FRMD4A: variants seen among roughly 807,000 people sequenced by gnomAD.
FRMD4A encodes FERM domain containing 4A.
In FRMD4A, 29 loss-of-function variants were observed where a neutral mutation model predicts 129.1. The observed-to-expected ratio is 0.22, with a 90% CI of 0.17 to 0.31. The LOEUF (loss-of-function observed/expected upper bound fraction) is 0.31. Ranked by LOEUF, FRMD4A falls within the 10% of genes least tolerant of loss-of-function variation. The probability of loss-of-function intolerance (pLI) is 1.00; values close to 1 mark genes in which losing one functional copy is unlikely to be tolerated. For synonymous variants in FRMD4A, 634 were observed against 571.6 expected (o/e 1.11, Z -1.56); for missense variants, 1,272 against 1,375.8 (o/e 0.92, Z 1.19).
intron 2 of FRMD4A, among the ~76,000 whole-genome samples, chr10:14,190,716 AT>A (rs1842290784): frequency 1.3e-5 from 2 of 152,184 alleles, no homozygotes; most frequent in African/African-American, 2.4e-5. Context: ...GAAAAGCTTT[AT>A]ATTGCAAGTC....
intron 2 of FRMD4A, among the ~76,000 whole-genome samples, chr10:13,991,601 T>G (rs1021741574): frequency 6.6e-6 from 1 of 152,246 alleles, no homozygotes; most frequent in Non-Finnish European, 1.5e-5. Context: ...ACCACCTTGC[T>G]CAGAGCACAA....
intron 2 of FRMD4A, chr10:13,891,660 T>G (rs894887781): frequency 2.0e-6 from 2 of 985,244 alleles, no homozygotes; most frequent in Non-Finnish European, 2.4e-6. Flanking sequence ...TCCGAGGAAC[T>G]TCTGGCTGCA....
chr10:14,042,550 A>T (rs956561099), intron 2 of FRMD4A, among the ~76,000 whole-genome samples: 1 of 152,204 alleles, frequency 6.6e-6, no homozygotes, highest in Admixed American at 6.5e-5. Context: ...TTTATGTTCA[A>T]GTGCTTTTTC....
intron 2 of FRMD4A, among the ~76,000 whole-genome samples, chr10:14,292,402 C>T (rs1013343874): frequency 1.1e-4 from 16 of 152,334 alleles, no homozygotes; most frequent in African/African-American, 3.6e-4. Context: ...ACAGACAATT[C>T]AATCAATGAT....
At chr10:14,044,735 G>C (rs1176694797) in intron 2 of FRMD4A, among the ~76,000 whole-genome samples, 1 of 152,210 alleles carries the variant, frequency 6.6e-6, no homozygotes, top group Non-Finnish European at 1.5e-5. Context: ...GTTGTTTTAA[G>C]CCAGCCAGTT....
chr10:13,906,160 C>A (rs1466645829), intron 2 of FRMD4A, among the ~76,000 whole-genome samples: 4 of 152,208 alleles, frequency 2.6e-5, no homozygotes, highest in African/African-American at 9.7e-5. Context: ...TTCAACGTAA[C>A]CCTCATGGCA....
intron 8 of FRMD4A, among the ~76,000 whole-genome samples, chr10:13,750,792 G>A: frequency 6.6e-6 from 1 of 152,154 alleles, no homozygotes; most frequent in East Asian, 1.9e-4. Context: ...AGCACCTGGT[G>A]ATTTTCAAAC....
intron 12 of FRMD4A, among the ~76,000 whole-genome samples, chr10:13,722,227 CTTT>C (rs1204085901): frequency 7.9e-6 from 1 of 126,786 alleles, no homozygotes; most frequent in African/African-American, 2.9e-5. Flanking sequence ...GGCCAGGGCT[CTTT>C]TTTTTTTTTT....
At chr10:13,676,546 A>T (rs989435818) in intron 15 of FRMD4A, among the ~76,000 whole-genome samples, 2 of 151,482 alleles carry the variant, frequency 1.3e-5, no homozygotes, top group African/African-American at 4.9e-5. Flanking sequence ...AAGTGCTGGG[A>T]TTACAGGCAT....
chr10:13,823,860 G>A (rs1350944286), intron 3 of FRMD4A, among the ~76,000 whole-genome samples: 1 of 152,178 alleles, frequency 6.6e-6, no homozygotes, highest in Non-Finnish European at 1.5e-5. Context: ...GAGCAGAGAA[G>A]AGTGTCTGTC....
intron 2 of FRMD4A, among the ~76,000 whole-genome samples, chr10:14,222,346 AGG>A (rs1220475911): frequency 6.6e-6 from 1 of 152,218 alleles, no homozygotes; most frequent in African/African-American, 2.4e-5. Flanking sequence ...GTGGAAGTAG[AGG>A]TGCTCTCTAG....
chr10:13,691,804 T>C (rs2085721296), intron 15 of FRMD4A, among the ~76,000 whole-genome samples: 1 of 152,066 alleles, frequency 6.6e-6, no homozygotes, highest in Non-Finnish European at 1.5e-5. Context: ...TTCACAGGGT[T>C]AGGAAAAAAC....
Position 14,039,399 on chromosome 10 carries a change from C to CT in FRMD4A, c.46-180488_46-180487insA, listed in dbSNP as rs1555021803. 1.0e-3 allele frequency among the ~76,000 whole-genome samples: 149 copies of CT among 143,222 alleles called. 1 individual carries two copies. The East Asian group carries it at 0.017, about 16-fold the overall frequency. The allele number at this position is 143,222 out of a possible 152,430, so 94.0% of individuals were successfully genotyped here. On this transcript the variant is annotated intron_variant, in intron 2 of 24. Transcript: ENST00000357447. ...CCATCCATCCATCCATCCATCCATCCATCCATCCATCTATCTATCTATCTA... is the reference window on the plus strand; with the variant it reads ...CCATCCATCCATCCATCCATCCATCCTATCCATCCATCTATCTATCTATCTA...
At chr10:14,010,424 C>A (rs1367875203) in intron 2 of FRMD4A, among the ~76,000 whole-genome samples, 6 of 152,168 alleles carry the variant, frequency 3.9e-5, no homozygotes, top group Non-Finnish European at 8.8e-5. Flanking sequence ...TCCCACACAT[C>A]TGAGTCTCAC....
chr10:13,851,845 A>G (rs1331560055), intron 3 of FRMD4A, among the ~76,000 whole-genome samples: 1 of 151,526 alleles, frequency 6.6e-6, no homozygotes, highest in East Asian at 1.9e-4. Flanking sequence ...GGTTACAGTG[A>G]GCTGAGATTG....
In FRMD4A at chr10:14,091,850, G is replaced by T. The variant is rs551551084; in HGVS notation, c.46-232938C>A. On this transcript the variant is annotated intron_variant, in intron 2 of 24. Coordinates refer to ENST00000357447, the MANE Select transcript of FRMD4A (RefSeq NM_018027.5). ...TAGTATATGATGTGATTTATTAAAT[G>T]TATCTTTAAGTCTCCAACTGGAATC... is the stretch of plus-strand genomic sequence containing the variant. Among the ~76,000 whole-genome samples, 225 of 152,304 alleles carry T rather than the reference G, an allele frequency of 1.5e-3. 1 individual carries two copies. The highest frequency in any genetic ancestry group is 4.8e-3 in the African/African-American group (200 of 41,570).
In FRMD4A at chr10:14,150,066, C is replaced by A. The variant is rs534005471; in HGVS notation, c.45+179992G>T. ...AGTGTGAAGAAGGAAATGCTACGTACTTTTAAACAACCAGATCTCATGAAA... is the reference window on the plus strand; with the variant it reads ...AGTGTGAAGAAGGAAATGCTACGTAATTTTAAACAACCAGATCTCATGAAA... On this transcript the variant is annotated intron_variant, in intron 2 of 24. Transcript: ENST00000357447. 3.9e-5 allele frequency among the ~76,000 whole-genome samples: 6 copies of A among 152,202 alleles called. No individual in the cohort carries two copies. In the East Asian group the frequency reaches 9.7e-4, roughly 25 times the overall value.
chr10:13,951,275 G>C (rs74122406), intron 2 of FRMD4A, among the ~76,000 whole-genome samples: 5,718 of 152,138 alleles, frequency 0.038, 186 homozygotes, highest in African/African-American at 0.074. Context: ...GTGAGGATGC[G>C]GGGCGCCAGG....
intron 2 of FRMD4A, among the ~76,000 whole-genome samples, chr10:14,309,883 G>A (rs1846481850): frequency 6.6e-6 from 1 of 152,164 alleles, no homozygotes; most frequent in African/African-American, 2.4e-5. Flanking sequence ...AGCTTTAAAT[G>A]TAAAGGCTGA....
Sources: gnomAD v4.1 joint callset for allele counts (sites outside exome capture counted in the v4.1 genomes callset) on GRCh38, gnomAD v4.1.1 for gene constraint, MANE v1.5 for transcripts, NCBI Gene and HGNC (gene_info 2026-07-23, HGNC 2026-07-21) for gene names.